The following NEGR1 variants were observed in gnomAD, a reference collection of about 807,000 sequenced individuals.
NEGR1 encodes the protein neuronal growth regulator 1, also known as IgLON family member 4.
A neutral mutation model predicts 40.9 loss-of-function variants in NEGR1; 10 were observed. The observed-to-expected ratio is 0.24, with a 90% CI of 0.15 to 0.42. The LOEUF (loss-of-function observed/expected upper bound fraction) is 0.42, where lower values mean the gene tolerates loss of function less well. NEGR1 is among the 10% of genes least tolerant of loss of function. The pLI, the probability that NEGR1 is intolerant of heterozygous loss-of-function variation, is 1.00. For missense variants in NEGR1, 352 were observed against 438.9 expected (o/e 0.80, Z 1.77); for synonymous variants, 185 against 166.8 (o/e 1.11, Z -0.84).
chr1:72,173,201 T>C (rs1652026059), intron 1 of NEGR1, among the ~76,000 whole-genome samples: 1 of 150,624 alleles, frequency 6.6e-6, no homozygotes, highest in African/African-American at 2.4e-5. Flanking sequence ...AGAGACAGGG[T>C]TTTGCCATGT....
chr1:71,560,820 G>A (rs371787035), intron 6 of NEGR1, among the ~76,000 whole-genome samples: 49 of 151,314 alleles, frequency 3.2e-4, no homozygotes, highest in African/African-American at 1.2e-3. Context: ...CCCTGAAGTA[G>A]GAAAGATTTT....
intron 6 of NEGR1, among the ~76,000 whole-genome samples, chr1:71,507,306 G>C (rs1487493248): frequency 6.6e-6 from 1 of 152,180 alleles, no homozygotes; most frequent in Admixed American, 6.5e-5. Flanking sequence ...AATTAGACAG[G>C]ATAGGGGTCA....
chr1:71,965,292 C>CTCATT (rs1646201190), intron 1 of NEGR1, among the ~76,000 whole-genome samples: 1 of 152,144 alleles, frequency 6.6e-6, no homozygotes, highest in Non-Finnish European at 1.5e-5. Flanking sequence ...CCTGAAAACA[C>CTCATT]TCATTTCTCA....
At chr1:71,434,466 T>C (rs1420552574) in intron 6 of NEGR1, among the ~76,000 whole-genome samples, 1 of 152,194 alleles carries the variant, frequency 6.6e-6, no homozygotes, top group Non-Finnish European at 1.5e-5. Flanking sequence ...GAGTATCTGC[T>C]TAATACACTG....
At chr1:71,852,289 A>G (rs1005458730) in intron 2 of NEGR1, among the ~76,000 whole-genome samples, 2 of 152,210 alleles carry the variant, frequency 1.3e-5, no homozygotes, top group African/African-American at 4.8e-5. Flanking sequence ...AGAGTTGACA[A>G]GCCGGCAGCT....
chr1:71,741,882 G>A (rs1426324033), intron 3 of NEGR1, among the ~76,000 whole-genome samples: 1 of 152,088 alleles, frequency 6.6e-6, no homozygotes, highest in Non-Finnish European at 1.5e-5. Flanking sequence ...CTTTTAAACA[G>A]CCAGATCTCA....
intron 2 of NEGR1, among the ~76,000 whole-genome samples, chr1:71,867,015 C>A (rs931510092): frequency 1.3e-5 from 2 of 152,076 alleles, no homozygotes; most frequent in African/African-American, 4.8e-5. Context: ...CATATAAGTA[C>A]GAATATTATT....
intron 2 of NEGR1, among the ~76,000 whole-genome samples, chr1:71,859,700 C>T (rs911404222): frequency 1.3e-5 from 2 of 152,016 alleles, no homozygotes; most frequent in Non-Finnish European, 2.9e-5. Context: ...ACTTATTTTA[C>T]CTCCTGTCAG....
intron 3 of NEGR1, among the ~76,000 whole-genome samples, chr1:71,705,761 A>G (rs1653869623): frequency 6.6e-6 from 1 of 151,776 alleles, no homozygotes; most frequent in South Asian, 2.1e-4. Flanking sequence ...AAAATAAAAG[A>G]AGAGAAAAGA....
chr1:71,565,127 C>G (rs1570039059), intron 6 of NEGR1, among the ~76,000 whole-genome samples: 1 of 152,078 alleles, frequency 6.6e-6, no homozygotes, highest in Non-Finnish European at 1.5e-5. Context: ...TGGTTGTAAA[C>G]CAAACACTCC....
intron 6 of NEGR1, among the ~76,000 whole-genome samples, chr1:71,456,680 G>A (rs981397452): frequency 6.6e-6 from 1 of 152,100 alleles, no homozygotes; most frequent in Non-Finnish European, 1.5e-5. Context: ...AAGTTCAGAC[G>A]CAAAGAAAAT....
chr1:71,464,109 T>C (rs1190268058), intron 6 of NEGR1, among the ~76,000 whole-genome samples: 1 of 152,076 alleles, frequency 6.6e-6, no homozygotes, highest in Non-Finnish European at 1.5e-5. Flanking sequence ...AAGATTAAAA[T>C]CAAGTTTTAG....
At chr1:72,092,545 C>A (rs1648540191) in intron 1 of NEGR1, among the ~76,000 whole-genome samples, 1 of 152,128 alleles carries the variant, frequency 6.6e-6, no homozygotes, top group Non-Finnish European at 1.5e-5. Context: ...ATGACATAAT[C>A]CACGAGTCAA....
At chr1:71,773,929 G>C (rs1397131719) in intron 3 of NEGR1, among the ~76,000 whole-genome samples, 1 of 152,068 alleles carries the variant, frequency 6.6e-6, no homozygotes, top group African/African-American at 2.4e-5. Context: ...ATAATAACAA[G>C]CACTGCAAAG....
At chr1:72,104,135 T>A (rs1303809275) in intron 1 of NEGR1, among the ~76,000 whole-genome samples, 1 of 152,032 alleles carries the variant, frequency 6.6e-6, no homozygotes, top group Non-Finnish European at 1.5e-5. Context: ...GCTTACAGAT[T>A]TTGTTTTTAT....
At chr1:71,769,403 T>A (rs1282017697) in intron 3 of NEGR1, among the ~76,000 whole-genome samples, 1 of 152,108 alleles carries the variant, frequency 6.6e-6, no homozygotes, top group Non-Finnish European at 1.5e-5. Context: ...ACAAATTCTA[T>A]CTGGTTAATA....
At chr1:71,605,099 A>T (rs183121572) in intron 5 of NEGR1, among the ~76,000 whole-genome samples, 3 of 152,294 alleles carry the variant, frequency 2.0e-5, no homozygotes, top group African/African-American at 7.2e-5. Context: ...CAGCTAAAAA[A>T]TTCCAAAAAA....
chr1:72,237,494 T>C (rs969359028), intron 1 of NEGR1, among the ~76,000 whole-genome samples: 1 of 151,968 alleles, frequency 6.6e-6, no homozygotes, highest in Non-Finnish European at 1.5e-5. Context: ...TCTCCCAAAA[T>C]GCTCCACCTT....
intron 4 of NEGR1, among the ~76,000 whole-genome samples, chr1:71,640,399 T>C (rs1196932193): frequency 6.6e-6 from 1 of 152,014 alleles, no homozygotes; most frequent in Non-Finnish European, 1.5e-5. Flanking sequence ...CAAACGGAAT[T>C]ATTCCCCTTC....
Sources: gnomAD v4.1 joint callset for allele counts (sites outside exome capture counted in the v4.1 genomes callset) on GRCh38, gnomAD v4.1.1 for gene constraint, MANE v1.5 for transcripts, NCBI Gene and HGNC (gene_info 2026-07-23, HGNC 2026-07-21) for gene names.